PCDH11Y: variants seen among roughly 807,000 people sequenced by gnomAD.
The protein encoded by PCDH11Y is protocadherin-11 Y-linked.
For missense variants in PCDH11Y, 12 were observed against 224.8 expected, an observed-to-expected ratio of 0.05 and a Z score of 6.05; for synonymous variants, 9 against 83.6, an observed-to-expected ratio of 0.11 and a Z score of 4.87.
intron 2 of PCDH11Y, among the ~76,000 whole-genome samples, chrY:5,381,799 C>T (rs2053205429): frequency 3.0e-5 from 1 of 33,297 alleles, no homozygotes; most frequent in African/African-American, 1.2e-4. Flanking sequence ...TACAAAGAAT[C>T]ACTTCACACG....
intron 2 of PCDH11Y, among the ~76,000 whole-genome samples, chrY:5,263,061 G>A: frequency 3.0e-5 from 1 of 33,884 alleles, no homozygotes; most frequent in Non-Finnish European, 7.3e-5. Flanking sequence ...CAAGAATTGC[G>A]GTTTGGGAAC....
intron 2 of PCDH11Y, among the ~76,000 whole-genome samples, chrY:5,286,083 G>A (rs2053059957): frequency 4.8e-4 from 16 of 33,447 alleles, no homozygotes; most frequent in African/African-American, 5.7e-4. Flanking sequence ...TTTTATATAT[G>A]GTGAGAGGAA....
chrY:5,679,858 T>C, intron 4 of PCDH11Y, among the ~76,000 whole-genome samples: 1 of 32,648 alleles, frequency 3.1e-5, no homozygotes, highest in African/African-American at 1.2e-4. Flanking sequence ...GAACTGGCAG[T>C]GGTTATGGCC....
At chrY:5,318,227 C>T in intron 2 of PCDH11Y, among the ~76,000 whole-genome samples, 1 of 32,900 alleles carries the variant, frequency 3.0e-5, no homozygotes, top group South Asian at 7.0e-4. Context: ...TGAGATTCAT[C>T]TATGCATGCT....
intron 2 of PCDH11Y, among the ~76,000 whole-genome samples, chrY:5,232,376 C>T: frequency 3.1e-5 from 1 of 32,383 alleles, no homozygotes; most frequent in Non-Finnish European, 7.5e-5. Context: ...TATGCAGGGC[C>T]GAAGAGCTCT....
At chrY:5,725,703 A>C in intron 4 of PCDH11Y, among the ~76,000 whole-genome samples, 1 of 32,685 alleles carries the variant, frequency 3.1e-5, no homozygotes, top group Non-Finnish European at 7.5e-5. Flanking sequence ...ATTATACCTC[A>C]TCAACTTCAA....
At chrY:5,392,818 G>T (rs371283533) in intron 2 of PCDH11Y, among the ~76,000 whole-genome samples, 25 of 33,540 alleles carry the variant, frequency 7.5e-4, no homozygotes, top group African/African-American at 2.8e-3. Flanking sequence ...TTGTTATTTT[G>T]TAGCTTCTTA....
At chrY:5,060,897 G>A (rs2052673964) in intron 1 of PCDH11Y, among the ~76,000 whole-genome samples, 1 of 29,999 alleles carries the variant, frequency 3.3e-5, no homozygotes, top group Non-Finnish European at 7.9e-5. Flanking sequence ...CAAGCATGGT[G>A]GCGGGAGGCT....
At chrY:5,148,549 A>T in intron 2 of PCDH11Y, among the ~76,000 whole-genome samples, 2 of 32,504 alleles carry the variant, frequency 6.2e-5, no homozygotes, top group Non-Finnish European at 1.5e-4. Flanking sequence ...TTAAGAATCA[A>T]CTAGGCAAAC....
intron 4 of PCDH11Y, among the ~76,000 whole-genome samples, chrY:5,715,090 C>G: frequency 3.0e-5 from 1 of 33,442 alleles, no homozygotes; most frequent in African/African-American, 1.2e-4. Context: ...CTGATCTAGT[C>G]TCGGGACTTA....
chrY:5,242,899 A>T, intron 2 of PCDH11Y, among the ~76,000 whole-genome samples: 1 of 34,113 alleles, frequency 2.9e-5, no homozygotes, highest in East Asian at 7.7e-4. Context: ...TAACATCTGC[A>T]AAATCTTAAA....
chrY:5,687,628 A>G (rs2053564739), intron 4 of PCDH11Y, among the ~76,000 whole-genome samples: 1 of 30,856 alleles, frequency 3.2e-5, no homozygotes, highest in African/African-American at 1.3e-4. Flanking sequence ...AAAAATTCAT[A>G]GTAGTCATAG....
rs537707647 is a variant in PCDH11Y at position 5,010,022 on chromosome Y, G to A, written c.-134+9417G>A. 1.3e-4 allele frequency among the ~76,000 whole-genome samples: 4 copies of A among 31,980 alleles called. No homozygotes were observed. The South Asian group carries it at 2.9e-3, about 23-fold the overall frequency. The allele number at this position is 31,980 out of a possible 37,273, so 85.8% of individuals were successfully genotyped here. Reference sequence around the variant, plus strand: ...GATCGAGGCCATCCTGGCCAACATGGTGAAACCCCGTCTCTACTAAAAAAA... The same window carrying A: ...GATCGAGGCCATCCTGGCCAACATGATGAAACCCCGTCTCTACTAAAAAAA... On this transcript the variant is annotated intron_variant, in intron 1 of 5. Coordinates refer to the PCDH11Y transcript ENST00000333703.
At chrY:5,603,702 G>C in intron 4 of PCDH11Y, among the ~76,000 whole-genome samples, 2 of 30,012 alleles carry the variant, frequency 6.7e-5, no homozygotes, top group Non-Finnish European at 1.6e-4. Flanking sequence ...AGAGTCCAGA[G>C]ACCGTGGTTC....
At chrY:5,289,558 T>C in intron 2 of PCDH11Y, among the ~76,000 whole-genome samples, 2 of 33,367 alleles carry the variant, frequency 6.0e-5, no homozygotes, top group African/African-American at 2.3e-4. Context: ...CTCCAGGATC[T>C]GAGGGGTAAA....
intron 2 of PCDH11Y, among the ~76,000 whole-genome samples, chrY:5,410,103 C>A: frequency 3.0e-5 from 1 of 33,221 alleles, no homozygotes; most frequent in Non-Finnish European, 7.4e-5. Flanking sequence ...CGCCGTGGCT[C>A]ATGCCTGTAA....
chrY:5,014,572 G>T, intron 1 of PCDH11Y, among the ~76,000 whole-genome samples: 6 of 32,983 alleles, frequency 1.8e-4, no homozygotes, highest in African/African-American at 7.1e-4. Context: ...GTTAGGATTT[G>T]GTTCTATTTT....
At chrY:5,091,416 T>C in intron 1 of PCDH11Y, among the ~76,000 whole-genome samples, 2 of 33,702 alleles carry the variant, frequency 5.9e-5, no homozygotes, top group African/African-American at 1.1e-4. Flanking sequence ...TATCTTGTGT[T>C]TCATTTCTAT....
intron 2 of PCDH11Y, among the ~76,000 whole-genome samples, chrY:5,226,230 C>T (rs1602889406): frequency 6.8e-5 from 2 of 29,355 alleles, no homozygotes; most frequent in South Asian, 8.0e-4. Context: ...AGGCTGGTCT[C>T]GAACTCCCGA....
Sources: gnomAD v4.1 joint callset for allele counts (sites outside exome capture counted in the v4.1 genomes callset) on GRCh38, gnomAD v4.1.1 for gene constraint, MANE v1.5 for transcripts, NCBI Gene and HGNC (gene_info 2026-07-23, HGNC 2026-07-21) for gene names.